ZNF678: variants seen among roughly 807,000 people sequenced by gnomAD.
ZNF678 encodes zinc finger protein 678.
ZNF678 carries 5 observed loss-of-function variants against 3.0 expected under a neutral mutation model. The observed-to-expected ratio is 1.69, with a 90% CI of 0.88 to 3.56. The LOEUF is 3.56. ZNF678 is among the 30% of genes most tolerant of loss of function. ZNF678 has a pLI of 0.00. For missense variants in ZNF678, 593 were observed against 605.0 expected (o/e 0.98, Z 0.21); for synonymous variants, 218 against 199.6 (o/e 1.09, Z -0.78).
At chr1:227,649,286 A>G (rs755013382) in intron 2 of ZNF678, among the ~76,000 whole-genome samples, 2 of 152,212 alleles carry the variant, frequency 1.3e-5, no homozygotes, top group Admixed American at 6.5e-5. Flanking sequence ...ACTAATTTTT[A>G]TAACGACTTC....
intron 1 of ZNF678, among the ~76,000 whole-genome samples, chr1:227,566,357 A>T (rs904546573): frequency 6.6e-6 from 1 of 152,180 alleles, no homozygotes; most frequent in South Asian, 2.1e-4. Flanking sequence ...AAAAGACAGA[A>T]ATAATTCCTG....
chr1:227,615,005 G>A (rs1441655346), intron 1 of ZNF678, among the ~76,000 whole-genome samples: 3 of 152,238 alleles, frequency 2.0e-5, no homozygotes, highest in Non-Finnish European at 4.4e-5. Context: ...CACCAGAAGA[G>A]GCAAGAGCTC....
downstream of ZNF678, among the ~76,000 whole-genome samples, chr1:227,663,844 G>T (rs139977590): frequency 6.6e-6 from 1 of 152,166 alleles, no homozygotes; most frequent in East Asian, 1.9e-4. Flanking sequence ...CTTTGTCCTC[G>T]GCCCACTTTT....
intron 1 of ZNF678, chr1:227,582,648 G>C (rs994548787): frequency 1.1e-5 from 2 of 179,956 alleles, no homozygotes; most frequent in East Asian, 1.7e-4. Context: ...ATTTTTAAAA[G>C]TTTTGCCAAT....
intron 1 of ZNF678, among the ~76,000 whole-genome samples, chr1:227,614,712 C>A (rs1658101923): frequency 6.6e-6 from 1 of 152,210 alleles, no homozygotes. Context: ...CAAGGTGCTG[C>A]CTCATACACA....
chr1:227,674,559 G>GA (rs147444879), intron 5 of ZNF678, among the ~76,000 whole-genome samples: 4 of 147,802 alleles, frequency 2.7e-5, no homozygotes, highest in Non-Finnish European at 4.5e-5. Context: ...AGTTTATTTG[G>GA]AAAAAAAATC....
chr1:227,617,366 G>T (rs1360208145), intron 1 of ZNF678, among the ~76,000 whole-genome samples: 14 of 152,168 alleles, frequency 9.2e-5, no homozygotes, highest in Non-Finnish European at 1.5e-5. Context: ...AATACAGATG[G>T]TTTCTTCTCT....
At position 227,676,569 on chromosome 1, in the gene ZNF678, C is replaced by T. The variant is rs186823195; in HGVS notation, c.227-610C>T. ...TAAGTTTTGGGGTACATGTGCACAA[C>T]GTGCAGGTTTGTTGCATATGTATAC... On this transcript the variant is annotated intron_variant, in intron 5 of 5. Coordinates refer to the ZNF678 transcript ENST00000608949. Among the ~76,000 whole-genome samples, 184 of 152,026 alleles carry T rather than the reference C, an allele frequency of 1.2e-3. 1 individual carries two copies. The highest frequency in any genetic ancestry group is 2.3e-3 in the Non-Finnish European group (157 of 68,002).
rs1295462095 is a variant in ZNF678, at chr1:227,661,165, T to C, written c.*5337T>C. 6.6e-6 allele frequency: 1 copy of C among 152,182 alleles called. No homozygotes were observed. Among genetic ancestry groups the C allele is most frequent in the Admixed American group, 6.5e-5 (1 of 15,274 alleles). 9.4% of individuals were successfully genotyped at this position (152,182 alleles called of 1,614,324 possible). ...TTTGTTCGTTGAATAATGCCAAGTGTCTGGAAATGTGACTATTCAGATTAA... is the reference window on the plus strand; with the variant it reads ...TTTGTTCGTTGAATAATGCCAAGTGCCTGGAAATGTGACTATTCAGATTAA... On this transcript the variant is annotated 3_prime_UTR_variant, in exon 4 of 4. Coordinates refer to ENST00000343776, the MANE Select transcript of ZNF678 (RefSeq NM_001367909.1).
chr1:227,607,644 G>A (rs938409237), intron 1 of ZNF678, among the ~76,000 whole-genome samples: 4 of 149,764 alleles, frequency 2.7e-5, no homozygotes, highest in East Asian at 1.9e-4. Context: ...TTACATGTAC[G>A]TCTTAAATAT....
chr1:227,592,908 T>C (rs1239451015), intron 1 of ZNF678, among the ~76,000 whole-genome samples: 1 of 152,192 alleles, frequency 6.6e-6, no homozygotes, highest in African/African-American at 2.4e-5. Context: ...ACACATCCAC[T>C]CGGGGATGAA....
chr1:227,650,688 T>C (rs1490420243), intron 2 of ZNF678, among the ~76,000 whole-genome samples: 1 of 152,208 alleles, frequency 6.6e-6, no homozygotes, highest in African/African-American at 2.4e-5. Flanking sequence ...GTAAAGATTT[T>C]TCACTTGTTT....
intron 1 of ZNF678, among the ~76,000 whole-genome samples, chr1:227,576,033 T>A (rs1263691156): frequency 6.6e-6 from 1 of 152,230 alleles, no homozygotes; most frequent in Non-Finnish European, 1.5e-5. Context: ...TCTGTTTATG[T>A]GATAGATCAC....
chr1:227,582,599 G>T, intron 1 of ZNF678: 1 of 237,878 alleles, frequency 4.2e-6, no homozygotes, highest in South Asian at 4.6e-5. Context: ...AAAGTTCTTA[G>T]ATTACAGGTA....
intron 2 of ZNF678, among the ~76,000 whole-genome samples, chr1:227,647,930 A>C (rs1016946482): frequency 8.5e-5 from 13 of 152,218 alleles, no homozygotes; most frequent in African/African-American, 3.1e-4. Context: ...AAATCCCAGG[A>C]ACACCACAAA....
At chr1:227,581,329 G>C (rs1237579292) in intron 1 of ZNF678, among the ~76,000 whole-genome samples, 1 of 151,268 alleles carries the variant, frequency 6.6e-6, no homozygotes, top group Admixed American at 6.6e-5. Context: ...AAGAAGGAGA[G>C]CATTAAAAAG....
At position 227,655,933 on chromosome 1, in the gene ZNF678, C is replaced by A; in HGVS notation, c.*105C>A. 1.1e-6 allele frequency: 1 copy of A among 928,324 alleles called. No individual in the cohort carries two copies. The highest frequency in any genetic ancestry group is 1.6e-6 in the Non-Finnish European group (1 of 617,802). 57.5% of individuals were successfully genotyped at this position (928,324 alleles called of 1,614,324 possible). On this transcript the variant is annotated 3_prime_UTR_variant, in exon 4 of 4. Coordinates refer to ENST00000343776, the MANE Select transcript of ZNF678 (RefSeq NM_001367909.1). ...TTCACAAAATGTAAGCTTCAGAGTG[C>A]ACAACACTATACTGAATGAAATTTA... is the stretch of plus-strand genomic sequence containing the variant.
chr1:227,611,426 G>A (rs911392578), intron 1 of ZNF678, among the ~76,000 whole-genome samples: 7 of 152,184 alleles, frequency 4.6e-5, no homozygotes, highest in African/African-American at 1.4e-4. Flanking sequence ...CTCACTCACA[G>A]AGTTCTTTTC....
At chr1:227,580,473 T>C (rs1220274201) in intron 1 of ZNF678, among the ~76,000 whole-genome samples, 2 of 152,236 alleles carry the variant, frequency 1.3e-5, no homozygotes, top group Non-Finnish European at 2.9e-5. Context: ...GTTAATGTCC[T>C]GATACACAGT....
Sources: allele counts gnomAD v4.1 joint callset (sites outside exome capture counted in the v4.1 genomes callset), GRCh38; gene constraint gnomAD v4.1.1; transcripts MANE v1.5; gene names NCBI Gene and HGNC (gene_info 2026-07-23, HGNC 2026-07-21).